Variants in NLGN1 observed in about 807,000 individuals in gnomAD.
The protein encoded by NLGN1 is neuroligin 1, also known as neuroligin-1.
In NLGN1, 12 loss-of-function variants were observed where a neutral mutation model predicts 65.5. The ratio of observed to expected loss-of-function variants is 0.18; its 90% CI spans 0.12 to 0.30. The LOEUF (loss-of-function observed/expected upper bound fraction) is 0.30, where lower values mean the gene tolerates loss of function less well. Among genes scored for constraint, NLGN1 ranks in the 10% least tolerant of loss-of-function variants. NLGN1 has a pLI of 1.00. For synonymous variants in NLGN1, 350 were observed against 359.5 expected (o/e 0.97, Z 0.30); for missense variants, 750 against 1,007.1 (o/e 0.74, Z 3.46).
At chr3:173,986,907 G>A (rs1356221803) in intron 4 of NLGN1, among the ~76,000 whole-genome samples, 1 of 152,130 alleles carries the variant, frequency 6.6e-6, no homozygotes, top group Non-Finnish European at 1.5e-5. Flanking sequence ...TCAAGTCTTG[G>A]AGCAGATTTC....
At chr3:174,009,667 G>T (rs959877074) in intron 4 of NLGN1, among the ~76,000 whole-genome samples, 3 of 152,116 alleles carry the variant, frequency 2.0e-5, no homozygotes, top group Non-Finnish European at 4.4e-5. Flanking sequence ...ATTGGCTGAT[G>T]AGTGGCGGTA....
chr3:174,179,711 A>G (rs1730049832), intron 4 of NLGN1, among the ~76,000 whole-genome samples: 1 of 152,178 alleles, frequency 6.6e-6, no homozygotes, highest in Non-Finnish European at 1.5e-5. Context: ...TTTGAACTCT[A>G]GAAAAATTGA....
At chr3:173,632,837 G>GTT (rs59210572) in intron 3 of NLGN1, among the ~76,000 whole-genome samples, 21 of 117,768 alleles carry the variant, frequency 1.8e-4, no homozygotes, top group African/African-American at 3.7e-4. Flanking sequence ...CTTGAGTAGT[G>GTT]TTTTTTTTTT....
At chr3:173,833,345 A>G (rs1350471899) in intron 4 of NLGN1, among the ~76,000 whole-genome samples, 2 of 152,170 alleles carry the variant, frequency 1.3e-5, no homozygotes, top group South Asian at 2.1e-4. Context: ...AAAATAATCT[A>G]TATGGAATTT....
intron 4 of NLGN1, among the ~76,000 whole-genome samples, chr3:173,994,482 A>G (rs973138159): frequency 8.2e-6 from 1 of 121,944 alleles, no homozygotes; most frequent in African/African-American, 3.3e-5. Flanking sequence ...AAAAAAAAAA[A>G]AAAAAAAAAA....
At chr3:173,574,888 A>G (rs745401754) in intron 2 of NLGN1, among the ~76,000 whole-genome samples, 2 of 152,166 alleles carry the variant, frequency 1.3e-5, no homozygotes, top group Non-Finnish European at 2.9e-5. Flanking sequence ...CACTCCAATA[A>G]TTATTTAAAA....
intron 2 of NLGN1, among the ~76,000 whole-genome samples, chr3:173,594,547 G>C (rs1749118272): frequency 6.6e-6 from 1 of 152,170 alleles, no homozygotes; most frequent in African/African-American, 2.4e-5. Flanking sequence ...GGCTTTTTCA[G>C]GTGAATGGTG....
chr3:174,107,532 C>G (rs772920130), intron 4 of NLGN1, among the ~76,000 whole-genome samples: 2 of 152,092 alleles, frequency 1.3e-5, no homozygotes, highest in African/African-American at 4.8e-5. Flanking sequence ...TTTAACCATT[C>G]ACCCACTGAA....
At chr3:174,004,361 G>C (rs899966073) in intron 4 of NLGN1, among the ~76,000 whole-genome samples, 3 of 152,148 alleles carry the variant, frequency 2.0e-5, no homozygotes, top group African/African-American at 7.2e-5. Flanking sequence ...TATCCGTTGT[G>C]TAGATTTATA....
chr3:173,695,183 A>G (rs760431737), intron 3 of NLGN1, among the ~76,000 whole-genome samples: 4 of 152,188 alleles, frequency 2.6e-5, no homozygotes, highest in Admixed American at 6.5e-5. Context: ...ATACTTTTTC[A>G]AGAGAAAAAG....
chr3:173,741,555 C>T (rs1334208661), intron 3 of NLGN1, among the ~76,000 whole-genome samples: 1 of 152,006 alleles, frequency 6.6e-6, no homozygotes, highest in Non-Finnish European at 1.5e-5. Flanking sequence ...TGCAGTGGCG[C>T]GATCTTGGCT....
intron 4 of NLGN1, among the ~76,000 whole-genome samples, chr3:173,895,005 C>T (rs1320986600): frequency 1.3e-5 from 2 of 152,098 alleles, no homozygotes; most frequent in Admixed American, 6.6e-5. Flanking sequence ...CTAAAATCAG[C>T]GTATTACAAA....
At position 173,805,008 on chromosome 3, in the gene NLGN1, G is replaced by A. The variant is rs144254288; in HGVS notation, c.494-2672G>A. Among the ~76,000 whole-genome samples, 1,161 of 152,140 alleles carry A rather than the reference G, an allele frequency of 7.6e-3. 17 individuals carry two copies. Among genetic ancestry groups the A allele is most frequent in the African/African-American group, 0.026 (1,096 of 41,516 alleles). On this transcript the variant is annotated intron_variant, in intron 3 of 6. Coordinates refer to ENST00000457714, the Ensembl canonical transcript of NLGN1. ...GCCACTGCACTCCAGCCTGGGTGAC[G>A]AGAGTGAAACTCAGTCTCAAAAATA...
intron 4 of NLGN1, among the ~76,000 whole-genome samples, chr3:173,973,966 GGCTA>G (rs1716860417): frequency 6.6e-6 from 1 of 151,872 alleles, no homozygotes; most frequent in Non-Finnish European, 1.5e-5. Context: ...TTGATGCATG[GGCTA>G]GCAGGATAAT....
chr3:174,060,709 T>C (rs1211294111), intron 4 of NLGN1, among the ~76,000 whole-genome samples: 1 of 152,080 alleles, frequency 6.6e-6, no homozygotes, highest in Non-Finnish European at 1.5e-5. Context: ...CAACTTATGT[T>C]ACAATGAGAT....
At chr3:174,162,239 G>GTT (rs1376365719) in intron 4 of NLGN1, among the ~76,000 whole-genome samples, 18 of 151,722 alleles carry the variant, frequency 1.2e-4, no homozygotes, top group Non-Finnish European at 2.2e-4. Context: ...ATATTCTTAG[G>GTT]TTTTTTTCTC....
At chr3:174,153,000 CT>C (rs1222147268) in intron 4 of NLGN1, among the ~76,000 whole-genome samples, 4 of 152,106 alleles carry the variant, frequency 2.6e-5, no homozygotes, top group Admixed American at 1.3e-4. Context: ...AAATTCTGAT[CT>C]AGCCCTTGCC....
chr3:173,572,549 C>T (rs2149335815), intron 2 of NLGN1, among the ~76,000 whole-genome samples: 1 of 152,294 alleles, frequency 6.6e-6, no homozygotes, highest in East Asian at 1.9e-4. Context: ...TTACCAAATC[C>T]TCTGTGATCT....
chr3:173,440,795 G>A (rs1328341291), intron 2 of NLGN1, among the ~76,000 whole-genome samples: 1 of 152,146 alleles, frequency 6.6e-6, no homozygotes, highest in East Asian at 1.9e-4. Context: ...TAAATGACCA[G>A]TGGTTTCAAT....
Sources: gnomAD v4.1 joint callset for allele counts (sites outside exome capture counted in the v4.1 genomes callset) on GRCh38, gnomAD v4.1.1 for gene constraint, MANE v1.5 for transcripts, NCBI Gene and HGNC (gene_info 2026-07-23, HGNC 2026-07-21) for gene names.